COL26A1: variants seen among roughly 807,000 people sequenced by gnomAD.
COL26A1 encodes the protein collagen type XXVI alpha 1 chain.
In COL26A1, 41 loss-of-function variants were observed where a neutral mutation model predicts 59.3. The ratio of observed to expected loss-of-function variants is 0.69; its 90% CI spans 0.54 to 0.90. COL26A1 has a LOEUF of 0.90. Among genes scored for constraint, COL26A1 ranks in the 40% least tolerant of loss-of-function variants. The pLI, the probability that COL26A1 is intolerant of heterozygous loss-of-function variation, is 0.00. For missense variants in COL26A1, 612 were observed against 602.3 expected, an observed-to-expected ratio of 1.02 and a Z score of -0.17; for synonymous variants, 266 against 256.0, an observed-to-expected ratio of 1.04 and a Z score of -0.37.
At chr7:101,433,023 T>G (rs1423500535) in intron 2 of COL26A1, among the ~76,000 whole-genome samples, 2 of 152,232 alleles carry the variant, frequency 1.3e-5, no homozygotes, top group African/African-American at 4.8e-5. Context: ...TCTTTTATTA[T>G]GGTTAAGAAT....
intron 1 of COL26A1, among the ~76,000 whole-genome samples, chr7:101,417,932 C>T (rs1308744430): frequency 1.3e-5 from 2 of 151,922 alleles, no homozygotes; most frequent in African/African-American, 4.8e-5. Flanking sequence ...TCCATGTTGG[C>T]CAGGCTGGTC....
At chr7:101,421,495 C>T (rs13228909) in intron 2 of COL26A1, among the ~76,000 whole-genome samples, 26,677 of 151,674 alleles carry the variant, frequency 0.18, 2,801 homozygotes, top group Non-Finnish European at 0.24. Context: ...GACAACATGG[C>T]GAAACCCAGT....
At chr7:101,418,434 T>C (rs1345010372) in intron 1 of COL26A1, among the ~76,000 whole-genome samples, 1 of 152,112 alleles carries the variant, frequency 6.6e-6, no homozygotes, top group South Asian at 2.1e-4. Flanking sequence ...ATTGCTTCTC[T>C]CTTTCCAATG....
At chr7:101,369,902 G>A (rs1355198192) in intron 1 of COL26A1, among the ~76,000 whole-genome samples, 1 of 151,904 alleles carries the variant, frequency 6.6e-6, no homozygotes, top group Admixed American at 6.6e-5. Context: ...CGCTCTTGTT[G>A]CCCATGCTGG....
intron 1 of COL26A1, among the ~76,000 whole-genome samples, chr7:101,401,669 G>C (rs1792004739): frequency 6.9e-6 from 1 of 145,742 alleles, no homozygotes; most frequent in East Asian, 2.0e-4. Context: ...GGAAGAGGAG[G>C]AAGAAGATGT....
chr7:101,403,030 G>C (rs893486511), intron 1 of COL26A1, among the ~76,000 whole-genome samples: 4 of 151,844 alleles, frequency 2.6e-5, no homozygotes, highest in Non-Finnish European at 5.9e-5. Flanking sequence ...TTTTAGTAGA[G>C]ATGGGGTCTC....
At chr7:101,518,345 C>T (rs774269862) in intron 3 of COL26A1, among the ~76,000 whole-genome samples, 12 of 152,136 alleles carry the variant, frequency 7.9e-5, no homozygotes, top group Admixed American at 3.3e-4. Flanking sequence ...AGTGTCAGGC[C>T]GCTCCCCACC....
intron 3 of COL26A1, among the ~76,000 whole-genome samples, chr7:101,511,555 C>A (rs1321321591): frequency 6.6e-6 from 1 of 152,210 alleles, no homozygotes; most frequent in African/African-American, 2.4e-5. Flanking sequence ...GGTCCCTGGC[C>A]ATGGTAGTCA....
intron 1 of COL26A1, among the ~76,000 whole-genome samples, chr7:101,410,369 G>A (rs541632191): frequency 1.3e-5 from 2 of 152,284 alleles, no homozygotes; most frequent in African/African-American, 4.8e-5. Flanking sequence ...TACCGTACCT[G>A]CATCTTAGCA....
chr7:101,442,882 C>T (rs538741553), intron 2 of COL26A1, among the ~76,000 whole-genome samples: 17 of 152,016 alleles, frequency 1.1e-4, no homozygotes, highest in South Asian at 8.3e-4. Context: ...TGTGTTTGTG[C>T]GAGTGTGCAA....
chr7:101,375,525 C>A (rs1263024126), intron 1 of COL26A1, among the ~76,000 whole-genome samples: 1 of 151,388 alleles, frequency 6.6e-6, no homozygotes, highest in Non-Finnish European at 1.5e-5. Context: ...GCGAAATCCC[C>A]TGTCTACAAA....
At chr7:101,531,889 T>C (rs533224592) in intron 3 of COL26A1, among the ~76,000 whole-genome samples, 2 of 152,186 alleles carry the variant, frequency 1.3e-5, no homozygotes, top group Admixed American at 6.5e-5. Context: ...CCGTGGACTG[T>C]GCGTGTGGGC....
At chr7:101,401,580 A>AAGAGGAAGAGTAGGAGGAAGAAGAG (rs1562963266) in intron 1 of COL26A1, among the ~76,000 whole-genome samples, 19 of 135,964 alleles carry the variant, frequency 1.4e-4, no homozygotes, top group African/African-American at 5.0e-4. Context: ...GAGGAGGAGG[A>AAGAGGAAGAGTAGGAGGAAGAAGAG]AAAGGAGGAG....
At chr7:101,535,436 C>T (rs767092669) in intron 4 of COL26A1, among the ~76,000 whole-genome samples, 3 of 152,310 alleles carry the variant, frequency 2.0e-5, no homozygotes, top group East Asian at 1.9e-4. Flanking sequence ...TGTTAAAAGT[C>T]GCAGCTCTAG....
chr7:101,479,216 A>G (rs1479207610), intron 3 of COL26A1, among the ~76,000 whole-genome samples: 2 of 152,166 alleles, frequency 1.3e-5, no homozygotes, highest in Admixed American at 6.5e-5. Context: ...CCATTATTCC[A>G]CAGTCTAGCC....
Position 101,518,943 on chromosome 7 carries a change from C to T in COL26A1, c.386-14139C>T, listed in dbSNP as rs113230520. On this transcript the variant is annotated intron_variant, in intron 3 of 12. Coordinates refer to ENST00000313669, the MANE Select transcript of COL26A1 (RefSeq NM_001278563.3). The stretch of plus-strand genomic sequence containing the variant: ...GTCCCCAACGGAGGGCCAAGAAGTA[C>T]TTGATCCTGAAAGAGTCTCGTCCCT... Among the ~76,000 whole-genome samples, 29 of 152,320 alleles carry T rather than the reference C, an allele frequency of 1.9e-4. 1 individual carries two copies. The highest frequency in any genetic ancestry group is 6.7e-4 in the African/African-American group (28 of 41,566).
At chr7:101,387,678 TAAAG>T (rs1471611073) in intron 1 of COL26A1, among the ~76,000 whole-genome samples, 3 of 141,486 alleles carry the variant, frequency 2.1e-5, no homozygotes, top group Non-Finnish European at 3.0e-5. Flanking sequence ...CATATATATA[TAAAG>T]AGAGAGATTT....
At chr7:101,419,836 T>G in intron 1 of COL26A1, 141 bp from the exon 2 acceptor site, 3 of 776,072 alleles carry the variant, frequency 3.9e-6, no homozygotes, top group South Asian at 1.8e-5. Context: ...AGACAGAGGG[T>G]CTCAGTGGGC....
intron 5 of COL26A1, among the ~76,000 whole-genome samples, chr7:101,540,621 G>A (rs1395103875): frequency 2.0e-5 from 3 of 151,846 alleles, no homozygotes; most frequent in Non-Finnish European, 2.9e-5. Context: ...GGAAGGTCAA[G>A]GCAGGTGGAT....
Sources: allele counts gnomAD v4.1 joint callset (sites outside exome capture counted in the v4.1 genomes callset), GRCh38; gene constraint gnomAD v4.1.1; transcripts MANE v1.5; gene names NCBI Gene and HGNC (gene_info 2026-07-23, HGNC 2026-07-21).